Variants in SNX8 observed in about 807,000 individuals in gnomAD.
SNX8 encodes sorting nexin 8.
SNX8 carries 25 observed loss-of-function variants against 51.6 expected under a neutral mutation model. The ratio of observed to expected loss-of-function variants is 0.48; its 90% CI spans 0.35 to 0.68. The LOEUF (loss-of-function observed/expected upper bound fraction) is 0.68, where lower values mean the gene tolerates loss of function less well. Ranked by LOEUF, SNX8 falls within the 30% of genes least tolerant of loss-of-function variation. The pLI is 0.00. For missense variants in SNX8, 695 were observed against 624.0 expected (o/e 1.11, Z -1.21); for synonymous variants, 324 against 277.0 (o/e 1.17, Z -1.68).
chr7:2,256,304 C>T (rs1161780979), intron 10 of SNX8, among the ~76,000 whole-genome samples: 1 of 152,242 alleles, frequency 6.6e-6, no homozygotes, highest in Non-Finnish European at 1.5e-5. Context: ...CCATTCCACA[C>T]ACACCACAGA....
Position 2,269,154 on chromosome 7 carries a change from CATGGGAG to C in SNX8, c.621+398_621+404del, listed in dbSNP as rs1474445721. ...CCGTGTCTGTGTAGAAAGAAGTAGA[CATGGGAG>C]ACTTTTCATTTTGTTCTGTACTAAG... On this transcript the variant is annotated intron_variant, in intron 5 of 10. Transcript: ENST00000222990. Among the ~76,000 whole-genome samples, 117 of 147,236 alleles carry C rather than the reference CATGGGAG, an allele frequency of 7.9e-4. 2 individuals carry two copies. The highest frequency in any genetic ancestry group is 2.8e-3 in the African/African-American group (115 of 40,584).
intron 7 of SNX8, among the ~76,000 whole-genome samples, chr7:2,262,765 G>C (rs1795367148): frequency 6.6e-6 from 1 of 152,226 alleles, no homozygotes; most frequent in South Asian, 2.1e-4. Flanking sequence ...GGAGCCACCA[G>C]GAACAGATGT....
chr7:2,260,171 C>T (rs1337997488), intron 7 of SNX8, among the ~76,000 whole-genome samples: 2 of 152,102 alleles, frequency 1.3e-5, no homozygotes, highest in Non-Finnish European at 2.9e-5. Flanking sequence ...TCTCAGCTCA[C>T]TGCAACCTCC....
chr7:2,313,811 A>G (rs921545133), intron 1 of SNX8, among the ~76,000 whole-genome samples: 2 of 152,252 alleles, frequency 1.3e-5, no homozygotes, highest in Non-Finnish European at 2.9e-5. Context: ...ACACATCTAT[A>G]GATTCGGTTC....
chr7:2,266,572 C>T (rs1795469197), intron 5 of SNX8, among the ~76,000 whole-genome samples: 1 of 152,124 alleles, frequency 6.6e-6, no homozygotes, highest in Non-Finnish European at 1.5e-5. Context: ...GTCTTGAACT[C>T]CTGACCTCGT....
In SNX8 at chr7:2,271,980, G is replaced by T. The variant is rs374903671; in HGVS notation, c.419-9C>A. On this transcript the variant is annotated splice_polypyrimidine_tract_variant and intron_variant, in intron 3 of 10. Transcript: ENST00000222990. ...GATGAACTCCCTGTCAGCTGGAGGA[G>T]CACACGGGGTCACTGGACAGAGTCC... is the stretch of plus-strand genomic sequence containing the variant. 1.9e-5 allele frequency: 30 copies of T among 1,613,736 alleles called. No homozygotes were observed. The highest frequency in any genetic ancestry group is 2.1e-5 in the Non-Finnish European group (25 of 1,179,954).
At chr7:2,263,439 C>CG in intron 6 of SNX8, 77 bp from the exon 7 acceptor site, 1 of 1,414,170 alleles carries the variant, frequency 7.1e-7, no homozygotes, top group South Asian at 1.3e-5. Flanking sequence ...GCATCCCCCC[C>CG]GACAGATGTC....
chr7:2,351,087 C>T (rs771354210), intron 1 of SNX8, among the ~76,000 whole-genome samples: 17 of 152,108 alleles, frequency 1.1e-4, no homozygotes, highest in Non-Finnish European at 2.4e-4. Context: ...ACTGTGCTCC[C>T]GGCCTGGGTG....
chr7:2,254,921 G>T lies in SNX8; in HGVS notation c.*135C>A. ...GATGCGCCTCCCGACCCGCAGGCGT[G>T]AGCTCCTCTGCTCCAGCTGCAGCAC... On this transcript the variant is annotated 3_prime_UTR_variant, in exon 11 of 11. Coordinates refer to ENST00000222990, the MANE Select transcript of SNX8 (RefSeq NM_013321.4). 2.9e-6 allele frequency: 2 copies of T among 691,286 alleles called. No individual in the cohort carries two copies. The highest frequency in any genetic ancestry group is 3.3e-5 in the South Asian group (2 of 61,410). 42.8% of individuals were successfully genotyped at this position (691,286 alleles called of 1,614,324 possible).
intron 1 of SNX8, among the ~76,000 whole-genome samples, chr7:2,353,716 C>T (rs1023434285): frequency 2.0e-5 from 3 of 152,118 alleles, no homozygotes; most frequent in African/African-American, 7.2e-5. Flanking sequence ...TAAACACTCC[C>T]CACTCTCCAC....
chr7:2,282,772 T>A (rs1795936581), intron 1 of SNX8, among the ~76,000 whole-genome samples: 1 of 150,510 alleles, frequency 6.6e-6, no homozygotes, highest in Non-Finnish European at 1.5e-5. Context: ...AGGTCAGGAG[T>A]TTGAGGCCTG....
intron 1 of SNX8, among the ~76,000 whole-genome samples, chr7:2,299,023 C>G (rs968366810): frequency 2.0e-5 from 3 of 151,962 alleles, no homozygotes; most frequent in Admixed American, 1.3e-4. Flanking sequence ...GGCCTATACT[C>G]CTGATACCAA....
At chr7:2,312,847 A>G (rs1481305672) in intron 1 of SNX8, among the ~76,000 whole-genome samples, 1 of 152,024 alleles carries the variant, frequency 6.6e-6, no homozygotes, top group Non-Finnish European at 1.5e-5. Context: ...ACATCCAGAA[A>G]TAAGGGGCAC....
Position 2,257,033 on chromosome 7 carries a change from A to G in SNX8, c.1135-10T>C, listed in dbSNP as rs1795202124. ...GAATCGCGTTCTCCTGCTGCGGAGCAAACAGCCGCCTTTCGCACCCGGCCC... is the reference window on the plus strand; with the variant it reads ...GAATCGCGTTCTCCTGCTGCGGAGCGAACAGCCGCCTTTCGCACCCGGCCC... On this transcript the variant is annotated splice_polypyrimidine_tract_variant and intron_variant, in intron 9 of 10. Coordinates refer to ENST00000222990, the MANE Select transcript of SNX8 (RefSeq NM_013321.4). 1 of 1,593,292 alleles carries G rather than the reference A, an allele frequency of 6.3e-7. No homozygotes were observed. The highest frequency in any genetic ancestry group is 8.6e-7 in the Non-Finnish European group (1 of 1,166,778).
At chr7:2,286,422 AACTC>A (rs1355289949) in intron 1 of SNX8, among the ~76,000 whole-genome samples, 4 of 152,190 alleles carry the variant, frequency 2.6e-5, no homozygotes, top group African/African-American at 9.7e-5. Context: ...TTTTGAAATA[AACTC>A]ACTCCATCCC....
intron 7 of SNX8, 143 bp downstream of exon 7, chr7:2,263,087 C>G: frequency 9.6e-7 from 1 of 1,036,874 alleles, no homozygotes; most frequent in Non-Finnish European, 1.4e-6. Flanking sequence ...CCTTTGCGCT[C>G]CAGCCTGGCA....
At chr7:2,292,513 G>A (rs1461163144) in intron 1 of SNX8, among the ~76,000 whole-genome samples, 5 of 151,058 alleles carry the variant, frequency 3.3e-5, no homozygotes, top group African/African-American at 4.9e-5. Flanking sequence ...CCAGGTTCAC[G>A]CCATTCTCCT....
chr7:2,335,871 T>C (rs1583121071), intron 1 of SNX8, among the ~76,000 whole-genome samples: 1 of 143,306 alleles, frequency 7.0e-6, no homozygotes, highest in Admixed American at 7.0e-5. Flanking sequence ...GAAAAATGAA[T>C]GTTAATTTGT....
intron 1 of SNX8, among the ~76,000 whole-genome samples, chr7:2,305,995 C>T (rs1268770509): frequency 6.6e-6 from 1 of 152,160 alleles, no homozygotes. Flanking sequence ...GTGCCTTCTT[C>T]CCGCCAGAGG....
Sources: gnomAD v4.1 joint callset for allele counts (sites outside exome capture counted in the v4.1 genomes callset) on GRCh38, gnomAD v4.1.1 for gene constraint, MANE v1.5 for transcripts, NCBI Gene and HGNC (gene_info 2026-07-23, HGNC 2026-07-21) for gene names.